ZNF423: variants seen among roughly 807,000 people sequenced by gnomAD.
ZNF423 encodes the protein zinc finger protein 423.
In ZNF423, 12 loss-of-function variants were observed where a neutral mutation model predicts 95.8. That is an observed-to-expected ratio of 0.13 (90% CI 0.08 to 0.20). ZNF423 has a LOEUF of 0.20. ZNF423 is among the 10% of genes least tolerant of loss of function. The pLI is 1.00. For missense variants in ZNF423, 1,316 were observed against 1,737.1 expected (o/e 0.76, Z 4.31); for synonymous variants, 749 against 711.9 (o/e 1.05, Z -0.83).
intron 2 of ZNF423, among the ~76,000 whole-genome samples, chr16:49,767,170 G>T (rs1305038595): frequency 6.6e-6 from 1 of 151,870 alleles, no homozygotes; most frequent in African/African-American, 2.4e-5. Flanking sequence ...TGCCCAGGCT[G>T]GTCTCAAACA....
chr16:49,686,223 G>C (rs1286947354), intron 3 of ZNF423, among the ~76,000 whole-genome samples: 1 of 152,182 alleles, frequency 6.6e-6, no homozygotes, highest in East Asian at 1.9e-4. Context: ...CTGGCACAAA[G>C]TAGGTGCTCA....
chr16:49,624,087 T>C (rs1307740133), intron 5 of ZNF423, among the ~76,000 whole-genome samples: 5 of 152,228 alleles, frequency 3.3e-5, no homozygotes, highest in Non-Finnish European at 5.9e-5. Context: ...TCATTTAACC[T>C]GTGACTCAGC....
At chr16:49,806,118 A>T (rs2143930392) in intron 1 of ZNF423, among the ~76,000 whole-genome samples, 1 of 152,386 alleles carries the variant, frequency 6.6e-6, no homozygotes, top group Non-Finnish European at 1.5e-5. Context: ...ATAAACGTGG[A>T]TTTACAATGG....
chr16:49,757,057 T>A (rs965158770), intron 2 of ZNF423, among the ~76,000 whole-genome samples: 1 of 152,234 alleles, frequency 6.6e-6, no homozygotes, highest in African/African-American at 2.4e-5. Flanking sequence ...AGTGTTTTTG[T>A]TTTTCTTATA....
chr16:49,720,268 G>A (rs182532190), intron 3 of ZNF423, among the ~76,000 whole-genome samples: 6 of 152,310 alleles, frequency 3.9e-5, no homozygotes, highest in East Asian at 1.9e-4. Context: ...AGGTCCGTGG[G>A]TCTGGAGACC....
At chr16:49,515,664 G>C (rs1253512697) in intron 7 of ZNF423, among the ~76,000 whole-genome samples, 1 of 152,236 alleles carries the variant, frequency 6.6e-6, no homozygotes, top group Non-Finnish European at 1.5e-5. Flanking sequence ...AAGGCCATGA[G>C]AATTGTCTCT....
chr16:49,737,767 A>G (rs2033322379), intron 2 of ZNF423, among the ~76,000 whole-genome samples: 1 of 152,216 alleles, frequency 6.6e-6, no homozygotes, highest in South Asian at 2.1e-4. Context: ...AGCCAGGGCC[A>G]CCAGGGCCTC....
At chr16:49,835,258 G>A (rs1011039810) in intron 1 of ZNF423, among the ~76,000 whole-genome samples, 2 of 152,194 alleles carry the variant, frequency 1.3e-5, no homozygotes, top group African/African-American at 4.8e-5. Flanking sequence ...CCCTGGCCTT[G>A]AGCCCAGCTG....
intron 5 of ZNF423, among the ~76,000 whole-genome samples, chr16:49,529,597 C>T (rs1469277038): frequency 3.3e-5 from 5 of 151,954 alleles, no homozygotes; most frequent in Non-Finnish European, 7.4e-5. Flanking sequence ...TCCCTGGTAC[C>T]GACTTTTGTC....
intron 5 of ZNF423, among the ~76,000 whole-genome samples, chr16:49,551,699 G>T (rs753160834): frequency 3.3e-5 from 5 of 152,228 alleles, no homozygotes; most frequent in Admixed American, 6.5e-5. Flanking sequence ...TTTCCTCCCA[G>T]GAAGGGTGAG....
At position 49,635,673 on chromosome 16, in the gene ZNF423, G is replaced by A. The variant is rs1439677766; in HGVS notation, c.3503C>T (p.Ser1168Leu). ...GACTGCACTTACCCGGGGCACTGGC[G>A]ATGTCTGGGTGCCTTTCCGGGGCCC... ...TSGPRKGTQT[S>L]PVPRKKTYQC... The change falls in exon 4 of 8, where the codon TCG becomes TTG. Residue 1168 changes from serine (S) to leucine (L), a missense_variant. Ser to Leu is a moderately radical substitution (Grantham distance 145, BLOSUM62 -2). Transcript: ENST00000563137. The surrounding 1 kb of genome is among the most constrained non-coding windows in gnomAD (Gnocchi z 4.8). 3 of 1,576,848 alleles carry A rather than the reference G, an allele frequency of 1.9e-6. No homozygotes were observed. Among genetic ancestry groups the A allele is most frequent in the Non-Finnish European group, 1.7e-6 (2 of 1,163,700 alleles).
At chr16:49,759,143 T>G (rs1004926238) in intron 2 of ZNF423, among the ~76,000 whole-genome samples, 17 of 152,210 alleles carry the variant, frequency 1.1e-4, no homozygotes, top group African/African-American at 3.1e-4. Context: ...CTCACGCCTG[T>G]AATCCCAGCA....
intron 3 of ZNF423, among the ~76,000 whole-genome samples, chr16:49,656,937 A>G (rs1164510729): frequency 6.6e-6 from 1 of 152,222 alleles, no homozygotes; most frequent in African/African-American, 2.4e-5. Flanking sequence ...GAGATGGCCT[A>G]GCAGGGCTTT....
At chr16:49,674,347 G>A (rs2030949191) in intron 3 of ZNF423, among the ~76,000 whole-genome samples, 1 of 152,192 alleles carries the variant, frequency 6.6e-6, no homozygotes. Context: ...TGTGTGCAGA[G>A]CACGCAGTGT....
At chr16:49,629,654 G>A (rs1028392886) in intron 4 of ZNF423, among the ~76,000 whole-genome samples, 1 of 152,206 alleles carries the variant, frequency 6.6e-6, no homozygotes, top group African/African-American at 2.4e-5. Flanking sequence ...TGGTTCATCT[G>A]CTCCCCTCTT....
intron 3 of ZNF423, among the ~76,000 whole-genome samples, chr16:49,694,857 A>G (rs973566478): frequency 2.0e-5 from 3 of 152,206 alleles, no homozygotes; most frequent in African/African-American, 7.2e-5. Flanking sequence ...AACACACAAA[A>G]TAGGGTCTGG....
At chr16:49,687,156 T>C (rs1351407764) in intron 3 of ZNF423, among the ~76,000 whole-genome samples, 2 of 151,938 alleles carry the variant, frequency 1.3e-5, no homozygotes, top group Non-Finnish European at 2.9e-5. Context: ...TTTATTAACA[T>C]CCACTAATAA....
intron 1 of ZNF423, among the ~76,000 whole-genome samples, chr16:49,824,150 G>A (rs528964244): frequency 6.6e-6 from 1 of 152,166 alleles, no homozygotes; most frequent in East Asian, 1.9e-4. Context: ...TCAAAACTGG[G>A]GGGGAATGTC....
chr16:49,764,993 A>T (rs2033904078), intron 2 of ZNF423, among the ~76,000 whole-genome samples: 1 of 149,982 alleles, frequency 6.7e-6, no homozygotes, highest in Non-Finnish European at 1.5e-5. Flanking sequence ...TCCTGACCTC[A>T]AGTGATTTGC....
Sources: gnomAD v4.1 joint callset for allele counts (sites outside exome capture counted in the v4.1 genomes callset) on GRCh38, gnomAD v4.1.1 for gene constraint, Gnocchi (gnomAD v3.1) non-coding constraint, MANE v1.5 for transcripts, NCBI Gene and HGNC (gene_info 2026-07-23, HGNC 2026-07-21) for gene names.